Variants in ITPRID2 observed in about 807,000 individuals in gnomAD.
ITPRID2 encodes the protein ITPR interacting domain containing 2, also known as protein ITPRID2.
ITPRID2 carries 60 observed loss-of-function variants against 124.3 expected under a neutral mutation model. That is an observed-to-expected ratio of 0.48 (90% CI 0.39 to 0.60). The LOEUF (loss-of-function observed/expected upper bound fraction) is 0.60, where lower values mean the gene tolerates loss of function less well. Among genes scored for constraint, ITPRID2 ranks in the 20% least tolerant of loss-of-function variants. The pLI, the probability that ITPRID2 is intolerant of heterozygous loss-of-function variation, is 0.00. For missense variants in ITPRID2, 1,553 were observed against 1,512.2 expected, an observed-to-expected ratio of 1.03 and a Z score of -0.45; for synonymous variants, 521 against 542.9, an observed-to-expected ratio of 0.96 and a Z score of 0.56.
rs1020083556 is a variant in ITPRID2 at position 181,910,492 on chromosome 2, C to T, written c.1486+521C>T. ...CCTCTCTTAAATTATTAATTATTGA[C>T]CAAAGAACCTTTGAATCCATCCCTT... is the stretch of plus-strand genomic sequence containing the variant. On this transcript the variant is annotated intron_variant, in intron 9 of 17. Coordinates refer to ENST00000431877, the MANE Select transcript of ITPRID2 (RefSeq NM_001130445.3). The surrounding 1 kb of genome is among the most constrained non-coding windows in gnomAD (Gnocchi z 4.1). The T allele has an allele frequency of 1.6e-5, 10 of 611,258 alleles. No homozygotes were observed. The highest frequency in any genetic ancestry group is 1.3e-4 in the African/African-American group (7 of 52,554). 37.9% of individuals were successfully genotyped at this position (611,258 alleles called of 1,614,324 possible).
chr2:181,914,703 C>A (rs1693889800), intron 10 of ITPRID2, among the ~76,000 whole-genome samples: 1 of 152,096 alleles, frequency 6.6e-6, no homozygotes, highest in South Asian at 2.1e-4. Context: ...CATGAAATGA[C>A]TTGGGGAAAG....
chr2:181,892,332 G>T lies in ITPRID2; in HGVS notation c.211+55G>T. The stretch of plus-strand genomic sequence containing the variant: ...AGGCTGGTGGGCTGGGGAGAGTCTC[G>T]TGCGCCCTGGGCGCCTGCCACGAGT... On this transcript the variant is annotated intron_variant, in intron 1 of 17. Transcript: ENST00000431877. The surrounding 1 kb of genome is among the most constrained non-coding windows in gnomAD (Gnocchi z 5.2). 3 of 1,483,430 alleles carry T rather than the reference G, an allele frequency of 2.0e-6. No individual in the cohort carries two copies. The highest frequency in any genetic ancestry group is 4.3e-5 in the Admixed American group (2 of 46,486). 91.9% of individuals were successfully genotyped at this position (1,483,430 alleles called of 1,614,324 possible).
chr2:181,916,392 C>T lies in ITPRID2; in HGVS notation c.2752C>T (p.His918Tyr). ...AIEMQLRRVL[H>Y]DIRNSLQNLS... ...AGAAATGCAGTTGCGAAGAGTATTA[C>T]ATGATATTAGAAACTCACTGCAGAA... The change falls in exon 11 of 18, where the codon CAT (histidine) becomes TAT (tyrosine). Residue 918 changes from histidine (H) to tyrosine (Y), a missense_variant. Coordinates refer to ENST00000431877, the MANE Select transcript of ITPRID2 (RefSeq NM_001130445.3). The T allele has an allele frequency of 6.2e-7, 1 of 1,614,150 alleles. No individual in the cohort carries two copies. The highest frequency in any genetic ancestry group is 8.5e-7 in the Non-Finnish European group (1 of 1,179,984).
intron 4 of ITPRID2, among the ~76,000 whole-genome samples, chr2:181,898,592 A>G (rs564612676): frequency 3.9e-5 from 6 of 152,096 alleles, no homozygotes; most frequent in African/African-American, 1.4e-4. Flanking sequence ...TAACCTGTTA[A>G]AGAAATTTAA....
intron 9 of ITPRID2, among the ~76,000 whole-genome samples, chr2:181,912,193 A>G (rs1361839084): frequency 1.3e-5 from 2 of 152,220 alleles, no homozygotes; most frequent in African/African-American, 4.8e-5. Flanking sequence ...GTCAGCAAAC[A>G]TTTATTCTCA....
rs541725441 is a variant in ITPRID2, at chr2:181,912,757, T to C, written c.1487-1088T>C. 3.9e-5 allele frequency among the ~76,000 whole-genome samples: 6 copies of C among 152,316 alleles called. No homozygotes were observed. The South Asian group carries it at 1.2e-3, about 32-fold the overall frequency. On this transcript the variant is annotated intron_variant, in intron 9 of 17. Transcript: ENST00000431877. Reference sequence around the variant, plus strand: ...AACTGTACAGTCTCTCCCATTGTGGTAGTTGTAGTGTGGATAGAATGTGAA... The same window carrying C: ...AACTGTACAGTCTCTCCCATTGTGGCAGTTGTAGTGTGGATAGAATGTGAA...
chr2:181,892,207 G>C lies in ITPRID2; in HGVS notation c.141G>C (p.Thr47=). Residue 47 remains threonine (T), a synonymous_variant, in exon 1 of 18, where the codon ACG becomes ACC. Coordinates refer to ENST00000431877, the MANE Select transcript of ITPRID2 (RefSeq NM_001130445.3). This position sits in a 1 kb window ranked among gnomAD's most constrained non-coding sequence, Gnocchi z 5.2. ...CGGAGGATCTGTCCACAGAAGCGACGACGCAGGACGAGGAGGAGGACGAGG... is the reference window on the plus strand; with the variant it reads ...CGGAGGATCTGTCCACAGAAGCGACCACGCAGGACGAGGAGGAGGACGAGG... ...SETEDLSTEA[T]TQDEEEDEEE... is the part of the protein sequence containing the mutation. 6.4e-7 allele frequency: 1 copy of C among 1,552,264 alleles called. No homozygotes were observed. The highest frequency in any genetic ancestry group is 8.7e-7 in the Non-Finnish European group (1 of 1,147,712).
chr2:181,910,746 C>A lies in ITPRID2; in HGVS notation c.1486+775C>A. ...AATTACATGTTTGTTGTCTCCTGAT[C>A]TCTGAAATTACTTCACAGGAGACAA... On this transcript the variant is annotated intron_variant, in intron 9 of 17. Transcript: ENST00000431877. This position sits in a 1 kb window ranked among gnomAD's most constrained non-coding sequence, Gnocchi z 4.1. 1.9e-6 allele frequency: 1 copy of A among 538,376 alleles called. No individual in the cohort carries two copies. The highest frequency in any genetic ancestry group is 2.9e-5 in the South Asian group (1 of 34,628). 33.3% of individuals were successfully genotyped at this position (538,376 alleles called of 1,614,324 possible).
chr2:181,924,144 A>G (rs1356872496), intron 16 of ITPRID2, among the ~76,000 whole-genome samples: 1 of 152,210 alleles, frequency 6.6e-6, no homozygotes, highest in Non-Finnish European at 1.5e-5. Context: ...TTATTCTTTT[A>G]CTGTCTACAA....
rs554368994 is a variant in ITPRID2 at position 181,911,267 on chromosome 2, T to G, written c.1486+1296T>G. Among the ~76,000 whole-genome samples the G allele has an allele frequency of 1.6e-4, 24 of 152,304 alleles. No individual in the cohort carries two copies. The South Asian group carries it at 2.3e-3, about 14-fold the overall frequency. On this transcript the variant is annotated intron_variant, in intron 9 of 17. Transcript: ENST00000431877. ...CTTAGATTGATCATAACTGTAGAGT[T>G]AGAAACACTCGTAATATATTTACTT...
Position 181,892,076 on chromosome 2 carries a change from C to G in ITPRID2, c.10C>G (p.Pro4Ala). The change falls in exon 1 of 18, where the codon CCC (proline) becomes GCC (alanine). Residue 4 changes from proline (P) to alanine (A), a missense_variant. Coordinates refer to ENST00000431877, the MANE Select transcript of ITPRID2 (RefSeq NM_001130445.3). This position sits in a 1 kb window ranked among gnomAD's most constrained non-coding sequence, Gnocchi z 5.2. ...AGCCCCCAGTGCGGCCATGGACCGG[C>G]CCCTGTCGTCGTCGGCGGAGGCGGA... MDR[P>A]LSSSAEAEEE... The G allele has an allele frequency of 6.4e-7, 1 of 1,551,940 alleles. No homozygotes were observed. The highest frequency in any genetic ancestry group is 1.4e-5 in the African/African-American group (1 of 73,400).
At chr2:181,900,301 T>A (rs1259132181) in intron 6 of ITPRID2, among the ~76,000 whole-genome samples, 1 of 152,230 alleles carries the variant, frequency 6.6e-6, no homozygotes, top group Non-Finnish European at 1.5e-5. Flanking sequence ...TTTCACAAAA[T>A]GTCCCTCAGT....
At chr2:181,908,388 T>A (rs1212381418) in intron 8 of ITPRID2, among the ~76,000 whole-genome samples, 2 of 152,210 alleles carry the variant, frequency 1.3e-5, no homozygotes, top group African/African-American at 4.8e-5. Context: ...TGGTTGATAT[T>A]TACTTTACAG....
In ITPRID2 at chr2:181,891,758, C is replaced by A. The variant is rs1003961969; in HGVS notation, c.-309C>A. 6 of 163,582 alleles carry A rather than the reference C, an allele frequency of 3.7e-5. No individual in the cohort carries two copies. Among genetic ancestry groups the A allele is most frequent in the African/African-American group, 1.4e-4 (6 of 41,590 alleles). The allele number at this position is 163,582 out of a possible 1,614,324, so 10.1% of individuals were successfully genotyped here. A position where few individuals can be genotyped will look rare whatever the true frequency, so the allele number is the denominator to read the frequency against. ...CGCGCAGCGGCCGGCCTGCTCCGGG[C>A]GCGTCAGGCAGGGGGTGGGGAGCAG... is the stretch of plus-strand genomic sequence containing the variant. On this transcript the variant is annotated 5_prime_UTR_variant, in exon 1 of 18. Coordinates refer to ENST00000431877, the MANE Select transcript of ITPRID2 (RefSeq NM_001130445.3).
At chr2:181,899,261 C>G (rs1692467244) in intron 6 of ITPRID2, 149 bp downstream of exon 6, 1 of 606,262 alleles carries the variant, frequency 1.6e-6, no homozygotes, top group Non-Finnish European at 2.9e-6. Flanking sequence ...CTGATAGGAG[C>G]TTTTTGTTTT....
Position 181,920,025 on chromosome 2 carries a change from A to G in ITPRID2, c.3145-572A>G, listed in dbSNP as rs184507168. The stretch of plus-strand genomic sequence containing the variant: ...TTTTTGTACCACTTTTCATACTTCT[A>G]ATGTTTCTTTCCATAACATTTGAAC... On this transcript the variant is annotated intron_variant, in intron 14 of 17. Transcript: ENST00000431877. 3.6e-3 allele frequency among the ~76,000 whole-genome samples: 551 copies of G among 152,286 alleles called. 2 individuals are homozygous for G. The highest frequency in any genetic ancestry group is 6.8e-3 in the Middle Eastern group (2 of 292).
At chr2:181,895,288 A>G (rs1045726229) in intron 2 of ITPRID2, among the ~76,000 whole-genome samples, 5 of 152,074 alleles carry the variant, frequency 3.3e-5, no homozygotes, top group Non-Finnish European at 7.4e-5. Flanking sequence ...TCAGAGAATT[A>G]AAAGTGTTTA....
chr2:181,912,717 C>T (rs1693699659), intron 9 of ITPRID2, among the ~76,000 whole-genome samples: 1 of 152,024 alleles, frequency 6.6e-6, no homozygotes, highest in Non-Finnish European at 1.5e-5. Context: ...AAGCTTCTGC[C>T]TTGATGAATG....
intron 10 of ITPRID2, among the ~76,000 whole-genome samples, chr2:181,914,460 G>C (rs1228650751): frequency 1.3e-5 from 2 of 152,094 alleles, no homozygotes; most frequent in Non-Finnish European, 2.9e-5. Context: ...AAATTCTAAA[G>C]AAAATTGGGA....
Sources: allele counts gnomAD v4.1 joint callset (sites outside exome capture counted in the v4.1 genomes callset), GRCh38; gene constraint gnomAD v4.1.1; non-coding constraint Gnocchi (gnomAD v3.1); transcripts MANE v1.5; gene names NCBI Gene and HGNC (gene_info 2026-07-23, HGNC 2026-07-21).